CDK14: variants seen among roughly 807,000 people sequenced by gnomAD.
CDK14 encodes the protein cyclin dependent kinase 14, also known as cyclin-dependent kinase 14.
A neutral mutation model predicts 60.7 loss-of-function variants in CDK14; 34 were observed. The ratio of observed to expected loss-of-function variants is 0.56; its 90% CI spans 0.43 to 0.75. The LOEUF is 0.75. Among genes scored for constraint, CDK14 ranks in the 30% least tolerant of loss-of-function variants. CDK14 has a pLI of 0.00. For missense variants in CDK14, 482 were observed against 564.1 expected, an observed-to-expected ratio of 0.85 and a Z score of 1.47; for synonymous variants, 197 against 203.7, an observed-to-expected ratio of 0.97 and a Z score of 0.28.
chr7:90,806,829 C>T (rs141839306), intron 5 of CDK14, among the ~76,000 whole-genome samples: 1,983 of 152,336 alleles, frequency 0.013, 9 homozygotes, highest in Middle Eastern at 0.02. Flanking sequence ...TATCCCGTGC[C>T]TGGCTCTGAG....
chr7:90,617,993 G>GA (rs1799688639), intron 2 of CDK14, among the ~76,000 whole-genome samples: 1 of 152,144 alleles, frequency 6.6e-6, no homozygotes, highest in Non-Finnish European at 1.5e-5. Flanking sequence ...CTTTCAATGG[G>GA]TGTAAATTGC....
chr7:90,954,170 G>A (rs1794339351), intron 8 of CDK14, among the ~76,000 whole-genome samples: 1 of 152,060 alleles, frequency 6.6e-6, no homozygotes, highest in Non-Finnish European at 1.5e-5. Context: ...TTAGGGCACT[G>A]TAACCATGGC....
chr7:91,012,025 A>G (rs1430182433), intron 10 of CDK14, among the ~76,000 whole-genome samples: 2 of 152,076 alleles, frequency 1.3e-5, no homozygotes, highest in Non-Finnish European at 2.9e-5. Flanking sequence ...TTTTCTTGCC[A>G]GATTCTAGAT....
At chr7:90,792,768 G>A (rs372756148) in intron 5 of CDK14, among the ~76,000 whole-genome samples, 49 of 152,156 alleles carry the variant, frequency 3.2e-4, no homozygotes, top group South Asian at 4.2e-4. Flanking sequence ...TCTGTTAGCC[G>A]TATAATATTT....
At chr7:91,050,756 A>G (rs564776912) in intron 11 of CDK14, among the ~76,000 whole-genome samples, 29 of 152,320 alleles carry the variant, frequency 1.9e-4, no homozygotes, top group African/African-American at 6.7e-4. Context: ...GAAGCATGAC[A>G]CCAGCATCTG....
chr7:91,005,146 G>A (rs1795944846), intron 10 of CDK14, among the ~76,000 whole-genome samples: 1 of 152,208 alleles, frequency 6.6e-6, no homozygotes, highest in African/African-American at 2.4e-5. Context: ...CTTCCCTCTG[G>A]GTGCCAGTGG....
At chr7:91,172,616 T>A (rs62468535) in intron 14 of CDK14, among the ~76,000 whole-genome samples, 1 of 152,180 alleles carries the variant, frequency 6.6e-6, no homozygotes, top group Non-Finnish European at 1.5e-5. Flanking sequence ...GCATGATCTG[T>A]CCCTGATTGC....
intron 3 of CDK14, 146 bp from the exon 4 acceptor site, chr7:90,747,535 G>T: frequency 1.8e-6 from 1 of 563,534 alleles, no homozygotes; most frequent in Non-Finnish European, 3.2e-6. Flanking sequence ...TGTTTATTAT[G>T]TTGTTTTGAA....
At chr7:90,792,767 C>T (rs746625160) in intron 5 of CDK14, among the ~76,000 whole-genome samples, 9 of 152,114 alleles carry the variant, frequency 5.9e-5, no homozygotes, top group African/African-American at 1.4e-4. Context: ...CTCTGTTAGC[C>T]GTATAATATT....
chr7:90,616,151 A>G (rs913927024), intron 2 of CDK14, among the ~76,000 whole-genome samples: 1 of 152,158 alleles, frequency 6.6e-6, no homozygotes, highest in Non-Finnish European at 1.5e-5. Context: ...CAAATTCATA[A>G]TCCAGAAATT....
At chr7:90,799,991 G>A (rs982171224) in intron 5 of CDK14, among the ~76,000 whole-genome samples, 3 of 152,234 alleles carry the variant, frequency 2.0e-5, no homozygotes, top group Non-Finnish European at 4.4e-5. Flanking sequence ...GGAACAAATA[G>A]ATTCAACACA....
chr7:90,908,753 G>A (rs1174846293), intron 7 of CDK14, among the ~76,000 whole-genome samples: 1 of 152,134 alleles, frequency 6.6e-6, no homozygotes, highest in Non-Finnish European at 1.5e-5. Flanking sequence ...ATAAATTTCT[G>A]TTACTTCAGA....
At chr7:91,176,137 A>G (rs1444340265) in intron 14 of CDK14, among the ~76,000 whole-genome samples, 2 of 151,726 alleles carry the variant, frequency 1.3e-5, no homozygotes. Flanking sequence ...ATCAAACTAG[A>G]ACTCAGGATT....
chr7:91,112,776 G>A (rs753954679), intron 13 of CDK14, 95 bp downstream of exon 13: 37 of 1,307,338 alleles, frequency 2.8e-5, no homozygotes, highest in Middle Eastern at 3.7e-4. Context: ...TCACATATTT[G>A]TGTGTCCACA....
chr7:90,710,466 T>C (rs1381831293), intron 2 of CDK14: 1 of 984,922 alleles, frequency 1.0e-6, no homozygotes, highest in African/African-American at 1.7e-5. Flanking sequence ...ATCTCTAATA[T>C]ATTAGAGACC....
At chr7:91,128,027 C>G (rs569115543) in intron 14 of CDK14, among the ~76,000 whole-genome samples, 1 of 152,052 alleles carries the variant, frequency 6.6e-6, no homozygotes, top group Non-Finnish European at 1.5e-5. Context: ...TATCTTTTGG[C>G]GTGGAGATCT....
chr7:90,685,817 A>G (rs934759268), intron 2 of CDK14, among the ~76,000 whole-genome samples: 20 of 152,078 alleles, frequency 1.3e-4, no homozygotes, highest in Non-Finnish European at 2.8e-4. Flanking sequence ...TTACTGTTCA[A>G]ATACAAGTTC....
intron 2 of CDK14, among the ~76,000 whole-genome samples, chr7:90,707,491 C>G (rs763414573): frequency 1.3e-5 from 2 of 152,114 alleles, no homozygotes; most frequent in Non-Finnish European, 2.9e-5. Context: ...ATTACCCTGT[C>G]GTAAGATGAA....
chr7:90,939,091 G>A (rs1019151455), intron 8 of CDK14, among the ~76,000 whole-genome samples: 1 of 152,162 alleles, frequency 6.6e-6, no homozygotes, highest in Non-Finnish European at 1.5e-5. Context: ...ATCAATACAA[G>A]AGTGGATAGC....
Sources: gnomAD v4.1 joint callset for allele counts (sites outside exome capture counted in the v4.1 genomes callset) on GRCh38, gnomAD v4.1.1 for gene constraint, MANE v1.5 for transcripts, NCBI Gene and HGNC (gene_info 2026-07-23, HGNC 2026-07-21) for gene names.